FUT9: variants seen among roughly 807,000 people sequenced by gnomAD.
FUT9 encodes fucosyltransferase 9, also known as 4-galactosyl-N-acetylglucosaminide 3-alpha-L-fucosyltransferase 9.
In FUT9, 15 loss-of-function variants were observed where a neutral mutation model predicts 29.7. The observed-to-expected ratio is 0.51, with a 90% CI of 0.34 to 0.78. The LOEUF is 0.78. Among genes scored for constraint, FUT9 ranks in the 30% least tolerant of loss-of-function variants. FUT9 has a pLI of 0.01. For missense variants in FUT9, 319 were observed against 425.4 expected, an observed-to-expected ratio of 0.75 and a Z score of 2.20; for synonymous variants, 169 against 153.7, an observed-to-expected ratio of 1.10 and a Z score of -0.74.
intron 1 of FUT9, among the ~76,000 whole-genome samples, chr6:96,113,539 A>G (rs1332309721): frequency 1.3e-5 from 2 of 149,048 alleles, no homozygotes; most frequent in East Asian, 2.2e-4. Context: ...GCGCCCGACC[A>G]TCAATAACAT....
At chr6:96,069,793 G>C (rs1424197124) in intron 1 of FUT9, among the ~76,000 whole-genome samples, 3 of 151,858 alleles carry the variant, frequency 2.0e-5, no homozygotes, top group Non-Finnish European at 4.4e-5. Context: ...ACCATGCCCA[G>C]CTAATTTTTT....
intron 2 of FUT9, among the ~76,000 whole-genome samples, chr6:96,202,894 A>G (rs1407993710): frequency 6.6e-6 from 1 of 152,146 alleles, no homozygotes; most frequent in East Asian, 1.9e-4. Context: ...ATAGCATTGA[A>G]AAAAACGTTA....
chr6:96,059,399 T>C (rs1452957249), intron 1 of FUT9, among the ~76,000 whole-genome samples: 1 of 152,196 alleles, frequency 6.6e-6, no homozygotes, highest in African/African-American at 2.4e-5. Flanking sequence ...TGTGCACACC[T>C]GCATACACAC....
At chr6:96,047,362 C>A (rs1421191876) in intron 1 of FUT9, among the ~76,000 whole-genome samples, 2 of 152,146 alleles carry the variant, frequency 1.3e-5, no homozygotes, top group African/African-American at 4.8e-5. Flanking sequence ...TCTAGGTATA[C>A]ATTTAGTTAC....
intron 1 of FUT9, among the ~76,000 whole-genome samples, chr6:96,046,411 ACAACTC>A (rs1770564957): frequency 6.6e-6 from 1 of 152,196 alleles, no homozygotes; most frequent in Non-Finnish European, 1.5e-5. Context: ...ATATTAACCT[ACAACTC>A]CATTTAACAT....
chr6:96,197,865 A>T (rs1773654529), intron 2 of FUT9, among the ~76,000 whole-genome samples: 1 of 152,128 alleles, frequency 6.6e-6, no homozygotes, highest in African/African-American at 2.4e-5. Flanking sequence ...GCAAGTATTG[A>T]ACTTTGTTCT....
rs1219479989 is a variant in FUT9 at position 96,157,262 on chromosome 6, C to T, written c.-9+43135C>T. 3.3e-5 allele frequency among the ~76,000 whole-genome samples: 5 copies of T among 152,300 alleles called. No homozygotes were observed. The East Asian group carries it at 9.6e-4, about 29-fold the overall frequency. On this transcript the variant is annotated intron_variant, in intron 2 of 2. Coordinates refer to ENST00000302103, the MANE Select transcript of FUT9 (RefSeq NM_006581.4). ...ACGAGTGTGACAATTCTGCCCATGA[C>T]ACCTCAGAGTCTGTTACCAAAGTCA... is the stretch of plus-strand genomic sequence containing the variant.
At chr6:96,058,294 A>G (rs2127942254) in intron 1 of FUT9, among the ~76,000 whole-genome samples, 1 of 152,194 alleles carries the variant, frequency 6.6e-6, no homozygotes, top group South Asian at 2.1e-4. Flanking sequence ...AGCAAAAGCT[A>G]CAGCATTATA....
intron 1 of FUT9, among the ~76,000 whole-genome samples, chr6:96,039,999 C>A (rs1770431153): frequency 6.6e-6 from 1 of 150,930 alleles, no homozygotes; most frequent in South Asian, 2.1e-4. Context: ...TTTTTACTTT[C>A]TTTCCTTCTT....
intron 2 of FUT9, among the ~76,000 whole-genome samples, chr6:96,184,062 C>G (rs1246013657): frequency 6.6e-6 from 1 of 152,004 alleles, no homozygotes; most frequent in African/African-American, 2.4e-5. Flanking sequence ...AGCTGTGACT[C>G]CATCTGGTCC....
At chr6:96,175,305 C>T (rs1040847884) in intron 2 of FUT9, among the ~76,000 whole-genome samples, 5 of 152,152 alleles carry the variant, frequency 3.3e-5, no homozygotes, top group African/African-American at 9.7e-5. Context: ...GAACATTTAG[C>T]TCTGTCTTTA....
chr6:96,080,618 C>T lies in FUT9; in HGVS notation c.-97-33421C>T, dbSNP rs192222238. 2.7e-3 allele frequency among the ~76,000 whole-genome samples: 413 copies of T among 151,980 alleles called. 1 individual carries two copies. Among genetic ancestry groups the T allele is most frequent in the Middle Eastern group, 0.01 (3 of 294 alleles). ...TTAAAATGTAAATAACTCATTTATT[C>T]AAACTTTAATATTTGAAAAATCATG... is the stretch of plus-strand genomic sequence containing the variant. On this transcript the variant is annotated intron_variant, in intron 1 of 2. Transcript: ENST00000302103.
At chr6:96,184,553 T>A (rs188528777) in intron 2 of FUT9, among the ~76,000 whole-genome samples, 1 of 151,988 alleles carries the variant, frequency 6.6e-6, no homozygotes, top group African/African-American at 2.4e-5. Context: ...AGATTTACTG[T>A]TTGTGCTCTT....
At chr6:96,150,706 G>T (rs889475562) in intron 2 of FUT9, among the ~76,000 whole-genome samples, 1 of 152,196 alleles carries the variant, frequency 6.6e-6, no homozygotes, top group Non-Finnish European at 1.5e-5. Context: ...AAATTGCCCT[G>T]TGTTCCATCT....
chr6:96,055,763 T>A (rs62417651), intron 1 of FUT9, among the ~76,000 whole-genome samples: 17,379 of 148,126 alleles, frequency 0.12, 1,319 homozygotes, highest in Non-Finnish European at 0.17. Flanking sequence ...CAGGATAGTC[T>A]CAAACTCCAG....
At chr6:96,123,060 CAAAAAAAAAAAAAAAAAAAAA>C (rs56330234) in intron 2 of FUT9, among the ~76,000 whole-genome samples, 1 of 64,970 alleles carries the variant, frequency 1.5e-5, no homozygotes, top group African/African-American at 6.9e-5. Context: ...GACTCAGTCT[CAAAAAAAAAAAAAAAAAAAAA>C]AAAAAAAAAA....
chr6:96,053,137 G>C (rs573428778), intron 1 of FUT9, among the ~76,000 whole-genome samples: 1 of 151,850 alleles, frequency 6.6e-6, no homozygotes, highest in Non-Finnish European at 1.5e-5. Flanking sequence ...AAAATAATTC[G>C]TATTTTCATC....
At chr6:96,021,201 T>C (rs1313773105) in intron 1 of FUT9, among the ~76,000 whole-genome samples, 1 of 152,066 alleles carries the variant, frequency 6.6e-6, no homozygotes, top group Non-Finnish European at 1.5e-5. Context: ...ACAAAAATTA[T>C]TTAGTTCCTT....
At chr6:96,107,881 G>A (rs1334547333) in intron 1 of FUT9, among the ~76,000 whole-genome samples, 5 of 151,940 alleles carry the variant, frequency 3.3e-5, no homozygotes, top group Admixed American at 1.3e-4. Context: ...CTAAGTGAGA[G>A]AGAAGGAATA....
Sources: allele counts gnomAD v4.1 joint callset (sites outside exome capture counted in the v4.1 genomes callset), GRCh38; gene constraint gnomAD v4.1.1; transcripts MANE v1.5; gene names NCBI Gene and HGNC (gene_info 2026-07-23, HGNC 2026-07-21).